Variants in ULK4 observed in about 807,000 individuals in gnomAD.
ULK4 encodes the protein inactive serine/threonine-protein kinase ULK4.
In ULK4, 133 loss-of-function variants were observed where a neutral mutation model predicts 160.6. That is an observed-to-expected ratio of 0.83 (90% CI 0.72 to 0.96). The LOEUF is 0.96. ULK4 is among the 40% of genes least tolerant of loss of function. The pLI is 0.00. For missense variants in ULK4, 1,580 were observed against 1,499.5 expected (o/e 1.05, Z -0.89); for synonymous variants, 534 against 539.8 (o/e 0.99, Z 0.15).
At chr3:41,615,377 C>CAGAT (rs2032909703) in intron 31 of ULK4, among the ~76,000 whole-genome samples, 4 of 152,282 alleles carry the variant, frequency 2.6e-5, no homozygotes, top group South Asian at 2.1e-4. Flanking sequence ...AAACCAACCT[C>CAGAT]AGATAAAGTA....
chr3:41,370,419 T>TG (rs1207092454), intron 35 of ULK4, among the ~76,000 whole-genome samples: 1 of 151,878 alleles, frequency 6.6e-6, no homozygotes, highest in Non-Finnish European at 1.5e-5. Context: ...ACCCAGAAGG[T>TG]GGGTGATTTC....
At chr3:41,898,410 G>T in intron 14 of ULK4, 22 bp downstream of exon 14, 1 of 1,488,156 alleles carries the variant, frequency 6.7e-7, no homozygotes, top group Non-Finnish European at 9.2e-7. Flanking sequence ...CTACATGTTC[G>T]ATAAGTCCTT....
At chr3:41,797,427 TTAA>T (rs1251109904) in intron 20 of ULK4, among the ~76,000 whole-genome samples, 14 of 152,014 alleles carry the variant, frequency 9.2e-5, no homozygotes, top group Admixed American at 5.9e-4. Flanking sequence ...CTATGGAGGT[TTAA>T]TGAGGAAACA....
intron 25 of ULK4, among the ~76,000 whole-genome samples, chr3:41,709,877 A>C (rs774686404): frequency 1.3e-5 from 2 of 152,222 alleles, no homozygotes; most frequent in Non-Finnish European, 2.9e-5. Flanking sequence ...TAAGTAAAGA[A>C]GACACAGAGT....
chr3:41,914,556 T>G lies in ULK4; in HGVS notation c.803+1421A>C, dbSNP rs114728620. ...TTAGCCTTTGGCCAGCCATTTCATT[T>G]TGAGAAATTCACATCAAAGAGATAA... On this transcript the variant is annotated intron_variant, in intron 8 of 36. Transcript: ENST00000301831. Among the ~76,000 whole-genome samples the G allele has an allele frequency of 5.4e-3, 819 of 152,292 alleles. 7 individuals carry two copies. Among genetic ancestry groups the G allele is most frequent in the African/African-American group, 0.019 (769 of 41,560 alleles).
intron 32 of ULK4, among the ~76,000 whole-genome samples, chr3:41,505,567 T>C (rs1035011392): frequency 5.3e-5 from 8 of 152,192 alleles, no homozygotes; most frequent in African/African-American, 1.7e-4. Flanking sequence ...CTACTATAAA[T>C]TAAATCATCT....
intron 30 of ULK4, among the ~76,000 whole-genome samples, chr3:41,625,541 C>T (rs748752040): frequency 5.3e-5 from 8 of 152,112 alleles, no homozygotes; most frequent in Non-Finnish European, 1.0e-4. Flanking sequence ...TCAGGCCTCG[C>T]AGAGGCCAAG....
Position 41,907,862 on chromosome 3 carries a change from T to A in ULK4, c.1165A>T (p.Thr389Ser), listed in dbSNP as rs746358866. Residue 389 changes from threonine to serine, a missense_variant, in exon 12 of 37, where the codon ACT becomes TCT. Thr to Ser is a moderately conservative substitution (Grantham distance 58). Transcript: ENST00000301831. ...EDMTHCSPQKTSPLTKITSGH... is the reference protein window; with the variant it reads ...EDMTHCSPQKSSPLTKITSGH... ...CTGCTCACCTTGGTCAGAGGAGAAG[T>A]CTTCTGTGGTGAACAGTGAGTCATA... 12 of 1,590,692 alleles carry A rather than the reference T, an allele frequency of 7.5e-6. No homozygotes were observed. The highest frequency in any genetic ancestry group is 5.4e-5 in the Admixed American group (3 of 56,024).
At chr3:41,335,088 A>AT (rs1402631874) in intron 35 of ULK4, among the ~76,000 whole-genome samples, 3 of 152,250 alleles carry the variant, frequency 2.0e-5, no homozygotes, top group Non-Finnish European at 4.4e-5. Context: ...TTCTACACTG[A>AT]TTTTTTAAAG....
chr3:41,564,289 T>C (rs1016795645), intron 32 of ULK4, among the ~76,000 whole-genome samples: 1 of 151,948 alleles, frequency 6.6e-6, no homozygotes, highest in Non-Finnish European at 1.5e-5. Context: ...GTATGAGGTG[T>C]CTGTCGGCCC....
At chr3:41,952,537 T>C (rs1191208762) in intron 2 of ULK4, among the ~76,000 whole-genome samples, 1 of 151,290 alleles carries the variant, frequency 6.6e-6, no homozygotes, top group Non-Finnish European at 1.5e-5. Flanking sequence ...TCACACCCAT[T>C]AGGATGGTTA....
chr3:41,721,299 G>A (rs1466224103), intron 22 of ULK4, among the ~76,000 whole-genome samples: 2 of 77,320 alleles, frequency 2.6e-5, no homozygotes, highest in African/African-American at 1.1e-4. Flanking sequence ...TTTGAACCAT[G>A]AGTATGTGTT....
intron 34 of ULK4, among the ~76,000 whole-genome samples, chr3:41,423,960 G>A (rs1331030005): frequency 6.6e-6 from 1 of 152,136 alleles, no homozygotes; most frequent in Non-Finnish European, 1.5e-5. Context: ...CCACTCGGCT[G>A]GAGACAACCT....
At chr3:41,917,029 C>T (rs1698991255) in intron 7 of ULK4, among the ~76,000 whole-genome samples, 1 of 152,076 alleles carries the variant, frequency 6.6e-6, no homozygotes, top group African/African-American at 2.4e-5. Context: ...ATTAATTATA[C>T]CTTATTCTTT....
At chr3:41,325,602 T>A (rs149562680) in intron 35 of ULK4, among the ~76,000 whole-genome samples, 1 of 152,256 alleles carries the variant, frequency 6.6e-6, no homozygotes, top group East Asian at 1.9e-4. Flanking sequence ...AATAAAAGGA[T>A]GGATTTTATT....
intron 35 of ULK4, among the ~76,000 whole-genome samples, chr3:41,255,208 G>A (rs946531198): frequency 2.6e-4 from 39 of 151,570 alleles, no homozygotes; most frequent in African/African-American, 9.0e-4. Flanking sequence ...AAGGCCAGGC[G>A]CGGTGGCTCA....
chr3:41,811,436 G>C (rs1374138612), intron 19 of ULK4, among the ~76,000 whole-genome samples: 1 of 152,130 alleles, frequency 6.6e-6, no homozygotes, highest in Non-Finnish European at 1.5e-5. Flanking sequence ...GGGATTACAG[G>C]TGTGATTGAG....
intron 35 of ULK4, among the ~76,000 whole-genome samples, chr3:41,378,166 T>G (rs542821226): frequency 1.3e-4 from 18 of 137,240 alleles, no homozygotes; most frequent in African/African-American, 4.4e-4. Flanking sequence ...TAGGTGGGAA[T>G]TGAACAATGA....
At chr3:41,739,212 T>C (rs1469993142) in intron 22 of ULK4, among the ~76,000 whole-genome samples, 1 of 151,932 alleles carries the variant, frequency 6.6e-6, no homozygotes, top group African/African-American at 2.4e-5. Context: ...AGTTTCAACA[T>C]GTCAAAAAAT....
Sources: allele counts gnomAD v4.1 joint callset (sites outside exome capture counted in the v4.1 genomes callset), GRCh38; gene constraint gnomAD v4.1.1; transcripts MANE v1.5; gene names NCBI Gene and HGNC (gene_info 2026-07-23, HGNC 2026-07-21).